MPRIP: variants seen among roughly 807,000 people sequenced by gnomAD.
MPRIP encodes myosin phosphatase Rho interacting protein, also known as myosin phosphatase Rho-interacting protein.
MPRIP carries 59 observed loss-of-function variants against 234.9 expected under a neutral mutation model. That is an observed-to-expected ratio of 0.25 (90% CI 0.20 to 0.31). The LOEUF (loss-of-function observed/expected upper bound fraction) is 0.31. Among genes scored for constraint, MPRIP ranks in the 10% least tolerant of loss-of-function variants. The pLI is 1.00. For missense variants in MPRIP, 2,436 were observed against 3,071.0 expected (o/e 0.79, Z 4.89); for synonymous variants, 1,144 against 1,263.9 (o/e 0.91, Z 2.01).
chr17:17,146,104 G>C lies in MPRIP; in HGVS notation c.1560+12G>C. On this transcript the variant is annotated intron_variant, in intron 10 of 23. Transcript: ENST00000651222. ...ATGAGGACGGCCAGGTGAGTGTGCA[G>C]GGTTGCCGTGGCCCCTGAGGGATCT... 1 of 1,613,494 alleles carries C rather than the reference G, an allele frequency of 6.2e-7. No individual in the cohort carries two copies. The highest frequency in any genetic ancestry group is 1.7e-5 in the Admixed American group (1 of 60,004).
In MPRIP at chr17:17,167,394, A is replaced by G. The variant is rs1464819583; in HGVS notation, c.5803A>G (p.Ser1935Gly). 1 of 1,304,204 alleles carries G rather than the reference A, an allele frequency of 7.7e-7. No individual in the cohort carries two copies. Among genetic ancestry groups the G allele is most frequent in the Non-Finnish European group, 1.0e-6 (1 of 988,948 alleles). 80.8% of individuals were successfully genotyped at this position (1,304,204 alleles called of 1,614,324 possible). ...HQQQCLEDAE[S>G]KHSMSMFTLR... ...GCAGCAGTGTCTGGAGGATGCAGAG[A>G]GCAAGCACAGCATGAGCATGTTCAC... The change falls in exon 16 of 24, where the codon AGC becomes GGC. Residue 1935 changes from serine (S) to glycine (G), a missense_variant. Around this residue, in one of 4 missense-constraint regions of MPRIP, gnomAD observed 1,998 missense variants for 2,520.3 expected, o/e 0.79. Transcript: ENST00000651222. This position sits in a 1 kb window ranked among gnomAD's most constrained non-coding sequence, Gnocchi z 5.9.
At chr17:17,074,873 A>T (rs1013446390) in intron 1 of MPRIP, among the ~76,000 whole-genome samples, 2 of 152,042 alleles carry the variant, frequency 1.3e-5, no homozygotes, top group African/African-American at 4.8e-5. Flanking sequence ...CACTTTGTTC[A>T]TCTATTCATC....
intron 1 of MPRIP, among the ~76,000 whole-genome samples, chr17:17,071,135 C>T (rs946887901): frequency 6.6e-6 from 1 of 152,184 alleles, no homozygotes; most frequent in African/African-American, 2.4e-5. Flanking sequence ...TCTTCTGACA[C>T]CACCCTGGCC....
chr17:17,062,280 G>A lies in MPRIP; in HGVS notation c.124-13430G>A, dbSNP rs8065450. 5.4e-3 allele frequency among the ~76,000 whole-genome samples: 826 copies of A among 152,262 alleles called. 13 individuals are homozygous for A. The highest frequency in any genetic ancestry group is 0.019 in the African/African-American group (785 of 41,542). ...GCCAGGGTTATATCAGAAGTCCTGC[G>A]TGCTCGGTCAGGCAGGCATCTTCCC... On this transcript the variant is annotated intron_variant, in intron 1 of 23. Coordinates refer to ENST00000651222, the MANE Select transcript of MPRIP (RefSeq NM_001364716.4).
chr17:17,057,378 G>A (rs909264175), intron 1 of MPRIP, among the ~76,000 whole-genome samples: 2 of 152,222 alleles, frequency 1.3e-5, no homozygotes, highest in African/African-American at 4.8e-5. Context: ...CTGACCTGAA[G>A]ATCATCTGAC....
At chr17:17,144,585 C>T (rs574300341) in intron 9 of MPRIP, among the ~76,000 whole-genome samples, 16 of 152,232 alleles carry the variant, frequency 1.1e-4, no homozygotes, top group Admixed American at 3.9e-4. Context: ...AGGCCGGGCA[C>T]GGTGGCTCAC....
chr17:17,164,298 C>G lies in MPRIP; in HGVS notation c.2707C>G (p.Gln903Glu). 1 of 1,304,136 alleles carries G rather than the reference C, an allele frequency of 7.7e-7. No homozygotes were observed. The highest frequency in any genetic ancestry group is 1.2e-5 in the South Asian group (1 of 81,034). 80.8% of individuals were successfully genotyped at this position (1,304,136 alleles called of 1,614,324 possible). The change falls in exon 16 of 24, where the codon CAG (glutamine) becomes GAG (glutamate). Residue 903 changes from glutamine (Q) to glutamate (E), a missense_variant. Gln to Glu is a conservative substitution (Grantham distance 29). Coordinates refer to ENST00000651222, the MANE Select transcript of MPRIP (RefSeq NM_001364716.4). ...CCACGAGGCTGAGATCCGGAGCCTT[C>G]AGGCACGGCTCAGCAATGCGGCCGC... ...RHHEAEIRSL[Q>E]ARLSNAAAEL...
At chr17:17,094,922 T>G (rs2089805348) in intron 3 of MPRIP, among the ~76,000 whole-genome samples, 1 of 152,116 alleles carries the variant, frequency 6.6e-6, no homozygotes, top group South Asian at 2.1e-4. Context: ...TGGTAATTTT[T>G]TTTTAAAATT....
At chr17:17,170,194 A>ATATATT (rs1226722939) in intron 16 of MPRIP, 1 of 134,048 alleles carries the variant, frequency 7.5e-6, no homozygotes, top group Non-Finnish European at 1.7e-5. Flanking sequence ...ATATATATAT[A>ATATATT]TTTTTTTTTT....
intron 3 of MPRIP, among the ~76,000 whole-genome samples, chr17:17,083,332 T>C (rs1032995267): frequency 1.3e-5 from 2 of 152,218 alleles, no homozygotes; most frequent in African/African-American, 2.4e-5. Flanking sequence ...GTAAACAGGC[T>C]TGGTCCAAAG....
Position 17,185,401 on chromosome 17 carries a change from C to G in MPRIP, c.*507C>G. On this transcript the variant is annotated 3_prime_UTR_variant, in exon 24 of 24. Coordinates refer to ENST00000651222, the MANE Select transcript of MPRIP (RefSeq NM_001364716.4). Reference sequence around the variant, plus strand: ...CTGGCTGTTAAGAGGAGAAAGTGCACTGCCTTCCAGCCCAGGAGGAGGACA... The same window carrying G: ...CTGGCTGTTAAGAGGAGAAAGTGCAGTGCCTTCCAGCCCAGGAGGAGGACA... 2 of 420,974 alleles carry G rather than the reference C, an allele frequency of 4.8e-6. No homozygotes were observed. The highest frequency in any genetic ancestry group is 9.6e-6 in the Non-Finnish European group (2 of 208,584). The allele number at this position is 420,974 out of a possible 1,614,324, so 26.1% of individuals were successfully genotyped here.
chr17:17,085,052 G>A lies in MPRIP; in HGVS notation c.267+6976G>A, dbSNP rs2089554929. On this transcript the variant is annotated intron_variant, in intron 3 of 23. Transcript: ENST00000651222. ...TCAGGTTTAGCTTTAAATCTGTCAT[G>A]TTTCAGCCTTGCCCTGGCCTTTGTG... 2.0e-5 allele frequency among the ~76,000 whole-genome samples: 3 copies of A among 152,198 alleles called. No individual in the cohort carries two copies. In the South Asian group the frequency reaches 6.2e-4, roughly 31 times the overall value.
At chr17:17,140,899 G>A (rs777042354) in intron 7 of MPRIP, among the ~76,000 whole-genome samples, 1 of 152,158 alleles carries the variant, frequency 6.6e-6, no homozygotes, top group Non-Finnish European at 1.5e-5. Flanking sequence ...GCAGGGTGCA[G>A]GCCCCGTTTT....
At chr17:17,123,374 A>C (rs1224442076) in intron 3 of MPRIP, among the ~76,000 whole-genome samples, 1 of 152,172 alleles carries the variant, frequency 6.6e-6, no homozygotes, top group Non-Finnish European at 1.5e-5. Flanking sequence ...TTAAAAAGAA[A>C]AGTTAGGCCA....
Position 17,165,908 on chromosome 17 carries a change from G to C in MPRIP, c.4317G>C (p.Gln1439His), listed in dbSNP as rs1459797742. Reference sequence around the variant, plus strand: ...AGCAGCTCCGCGCCAGCCTGCTCCAGGTTGGCGCACTGGCCTCCCAGCTGG... The same window carrying C: ...AGCAGCTCCGCGCCAGCCTGCTCCACGTTGGCGCACTGGCCTCCCAGCTGG... ...LREQLRASLL[Q>H]VGALASQLEQ... Residue 1439 changes from glutamine to histidine, a missense_variant, in exon 16 of 24, where the codon CAG becomes CAC. Physicochemically the swap from Gln to His is conservative, Grantham distance 24. Coordinates refer to ENST00000651222, the MANE Select transcript of MPRIP (RefSeq NM_001364716.4). 1.1e-5 allele frequency: 14 copies of C among 1,303,942 alleles called. No homozygotes were observed. Among genetic ancestry groups the C allele is most frequent in the Non-Finnish European group, 1.3e-5 (13 of 988,840 alleles). 80.8% of individuals were successfully genotyped at this position (1,303,942 alleles called of 1,614,324 possible). A position where few individuals can be genotyped will look rare whatever the true frequency, so the allele number is the denominator to read the frequency against.
At chr17:17,131,796 C>G in intron 5 of MPRIP, 95 bp downstream of exon 5, 1 of 1,126,720 alleles carries the variant, frequency 8.9e-7, no homozygotes, top group Non-Finnish European at 1.3e-6. Context: ...AGGACACAGT[C>G]AGGCCAGGGC....
intron 3 of MPRIP, among the ~76,000 whole-genome samples, chr17:17,090,114 G>T (rs140991655): frequency 6.6e-6 from 1 of 152,340 alleles, no homozygotes; most frequent in Non-Finnish European, 1.5e-5. Context: ...TGTTTCTCAC[G>T]TGTGAGGTGC....
intron 3 of MPRIP, chr17:17,097,149 G>C (rs1016124022): frequency 5.0e-6 from 1 of 200,128 alleles, no homozygotes; most frequent in Admixed American, 5.3e-5. Context: ...AATGTCAGAA[G>C]TAAAATCAGT....
rs1311677886 is a variant in MPRIP, at chr17:17,165,017, C to T, written c.3426C>T (p.Asn1142=). 4 of 1,301,662 alleles carry T rather than the reference C, an allele frequency of 3.1e-6. No individual in the cohort carries two copies. In the Admixed American group the frequency reaches 9.2e-5, roughly 30 times the overall value. 80.6% of individuals were successfully genotyped at this position (1,301,662 alleles called of 1,614,324 possible). A position where few individuals can be genotyped will look rare whatever the true frequency, so the allele number is the denominator to read the frequency against. The change falls in exon 16 of 24, where the codon AAC becomes AAT. Residue 1142 remains asparagine (N), a synonymous_variant. Transcript: ENST00000651222. Reference sequence around the variant, plus strand: ...AGCTGAGGAGAAGAGAGGCTGACAACCAGAGCCTGGAGCACTCCTACCAGA... The same window carrying T: ...AGCTGAGGAGAAGAGAGGCTGACAATCAGAGCCTGGAGCACTCCTACCAGA... ...REKLRRREAD[N]QSLEHSYQRV...
Sources: allele counts gnomAD v4.1 joint callset (sites outside exome capture counted in the v4.1 genomes callset), GRCh38; gene constraint gnomAD v4.1.1; regional missense constraint gnomAD v4.1.1; non-coding constraint Gnocchi (gnomAD v3.1); transcripts MANE v1.5; gene names NCBI Gene and HGNC (gene_info 2026-07-23, HGNC 2026-07-21).